CDHR3: variants seen among roughly 807,000 people sequenced by gnomAD.
The protein encoded by CDHR3 is cadherin-related family member 3.
Under a neutral mutation model 86.6 loss-of-function variants are expected in CDHR3, and 79 were observed. The observed-to-expected ratio is 0.91, with a 90% confidence interval of 0.76 to 1.10. The LOEUF is 1.10. Among genes scored for constraint, CDHR3 ranks in the 50% least tolerant of loss-of-function variants. The pLI, the probability that CDHR3 is intolerant of heterozygous loss-of-function variation, is 0.00. For synonymous variants in CDHR3, 421 were observed against 402.4 expected (o/e 1.05, Z -0.55); for missense variants, 1,081 against 1,077.6 (o/e 1.00, Z -0.04).
At chr7:105,963,387 G>A (rs1181913854) in intron 1 of CDHR3, 23 bp downstream of exon 1, 2 of 1,613,080 alleles carry the variant, frequency 1.2e-6, no homozygotes, top group Non-Finnish European at 1.7e-6. Flanking sequence ...TTTTGCTTTG[G>A]AACCTTGCTT....
At chr7:106,008,063 C>T (rs1834205251) in intron 8 of CDHR3, among the ~76,000 whole-genome samples, 1 of 152,144 alleles carries the variant, frequency 6.6e-6, no homozygotes, top group Admixed American at 6.5e-5. Context: ...CCTTATAAAG[C>T]CATCAGATCT....
chr7:105,974,911 G>A lies in CDHR3; in HGVS notation c.114G>A (p.Gly38=), dbSNP rs117170119. 5,534 of 1,613,892 alleles carry A rather than the reference G, an allele frequency of 3.4e-3. 205 individuals carry two copies. In the Admixed American group the frequency reaches 0.063, roughly 18 times the overall value. The change falls in exon 2 of 19, where the codon GGG becomes GGA. Residue 38 remains glycine, a synonymous_variant. Coordinates refer to ENST00000317716, the MANE Select transcript of CDHR3 (RefSeq NM_152750.5). ...ATGTGGCAGAGAATTCTCCACCTGG[G>A]ACTTCAGTGCACAAGTTTTCTGTGA... The part of the protein sequence containing the change: ...TGNVAENSPP[G]TSVHKFSVKL...
At chr7:106,015,256 T>C in intron 10 of CDHR3, 43 bp downstream of exon 10, 1 of 1,501,992 alleles carries the variant, frequency 6.7e-7, no homozygotes, top group Non-Finnish European at 9.1e-7. Context: ...CTTTCTTGAG[T>C]ATCAATGACC....
At chr7:105,978,724 C>T (rs935673116) in intron 2 of CDHR3, among the ~76,000 whole-genome samples, 5 of 152,166 alleles carry the variant, frequency 3.3e-5, no homozygotes, top group African/African-American at 9.7e-5. Context: ...ACAACAACAA[C>T]GAGAACAGTT....
At chr7:105,980,313 T>C (rs942809126) in intron 2 of CDHR3, among the ~76,000 whole-genome samples, 1 of 152,234 alleles carries the variant, frequency 6.6e-6, no homozygotes, top group Admixed American at 6.5e-5. Flanking sequence ...TGTTGCACAA[T>C]GGACCTGCAG....
chr7:105,996,140 CA>C, intron 5 of CDHR3, 109 bp from the exon 6 acceptor site: 1 of 629,364 alleles, frequency 1.6e-6, no homozygotes. Context: ...GGCTCACCAC[CA>C]AAGGGGCAGG....
At position 106,022,597 on chromosome 7, in the gene CDHR3, G is replaced by T. The variant is rs541727385; in HGVS notation, c.2076+149G>T. The T allele has an allele frequency of 2.5e-5, 30 of 1,191,064 alleles. No individual in the cohort carries two copies. In the African/African-American group the frequency reaches 3.2e-4, roughly 13 times the overall value. The allele number at this position is 1,191,064 out of a possible 1,614,324, so 73.8% of individuals were successfully genotyped here. On this transcript the variant is annotated intron_variant, in intron 14 of 18. Transcript: ENST00000317716. ...AAAATGGCAACCATGGGCTGGACTG[G>T]AGTAGCTGCAGGGTGGCAAAAATCT... is the stretch of plus-strand genomic sequence containing the variant.
chr7:106,028,513 C>G, intron 16 of CDHR3, 38 bp from the exon 17 acceptor site: 24 of 1,613,306 alleles, frequency 1.5e-5, no homozygotes, highest in Non-Finnish European at 2.0e-5. Flanking sequence ...AATTTACCAC[C>G]CAAGAAGCTT....
At chr7:106,001,380 C>T in intron 6 of CDHR3, 82 bp from the exon 7 acceptor site, 1 of 1,483,208 alleles carries the variant, frequency 6.7e-7, no homozygotes, top group South Asian at 1.2e-5. Context: ...CTATATTTAG[C>T]ACTAACCAAA....
chr7:106,017,320 G>A (rs1835782757), intron 11 of CDHR3, among the ~76,000 whole-genome samples: 1 of 152,074 alleles, frequency 6.6e-6, no homozygotes, highest in Non-Finnish European at 1.5e-5. Context: ...ACTTTGGGAG[G>A]CCGAGCTGGG....
intron 6 of CDHR3, among the ~76,000 whole-genome samples, chr7:105,999,514 A>G (rs1372847372): frequency 1.3e-5 from 2 of 152,164 alleles, no homozygotes; most frequent in Non-Finnish European, 2.9e-5. Context: ...TCCAGCTTCT[A>G]TCCCCTAAAC....
At chr7:106,005,764 G>A (rs1012161484) in intron 8 of CDHR3, among the ~76,000 whole-genome samples, 8 of 152,176 alleles carry the variant, frequency 5.3e-5, no homozygotes, top group Non-Finnish European at 8.8e-5. Context: ...ATGTCTCCCT[G>A]TTGTCCCAAA....
chr7:106,014,968 G>A lies in CDHR3; in HGVS notation c.1225-143G>A. 12 of 605,222 alleles carry A rather than the reference G, an allele frequency of 2.0e-5. No individual in the cohort carries two copies. The South Asian group carries it at 2.7e-4, about 14-fold the overall frequency. 37.5% of individuals were successfully genotyped at this position (605,222 alleles called of 1,614,324 possible). A position where few individuals can be genotyped will look rare whatever the true frequency, so the allele number is the denominator to read the frequency against. ...AAAGGTATGGTCATAACTTTTTAAAGCTCCTAATTTTTATGGGCAAAGTGT... is the reference window on the plus strand; with the variant it reads ...AAAGGTATGGTCATAACTTTTTAAAACTCCTAATTTTTATGGGCAAAGTGT... On this transcript the variant is annotated intron_variant, in intron 9 of 18. Transcript: ENST00000317716.
At chr7:105,978,405 T>C (rs535700532) in intron 2 of CDHR3, among the ~76,000 whole-genome samples, 1 of 152,350 alleles carries the variant, frequency 6.6e-6, no homozygotes, top group South Asian at 2.1e-4. Context: ...TCCCATCTAC[T>C]GTCGTGAGCA....
rs1361631054 is a variant in CDHR3, at chr7:106,034,878, G to A, written c.*2181G>A. On this transcript the variant is annotated 3_prime_UTR_variant, in exon 19 of 19. Coordinates refer to ENST00000317716, the MANE Select transcript of CDHR3 (RefSeq NM_152750.5). ...GGATCACCTGAGGTCAGGAGTTTGAGACCAGCCTGGCCAACATGGTGAAAC... is the reference window on the plus strand; with the variant it reads ...GGATCACCTGAGGTCAGGAGTTTGAAACCAGCCTGGCCAACATGGTGAAAC... Among the ~76,000 whole-genome samples, 1 of 152,244 alleles carries A rather than the reference G, an allele frequency of 6.6e-6. No homozygotes were observed. The highest frequency in any genetic ancestry group is 6.5e-5 in the Admixed American group (1 of 15,298).
intron 7 of CDHR3, among the ~76,000 whole-genome samples, chr7:106,002,944 G>A (rs1437388496): frequency 6.6e-6 from 1 of 151,766 alleles, no homozygotes; most frequent in Non-Finnish European, 1.5e-5. Context: ...GACCAGCCTG[G>A]GCAACGTAGT....
chr7:105,987,298 G>A (rs947747658), intron 4 of CDHR3, among the ~76,000 whole-genome samples: 1 of 152,172 alleles, frequency 6.6e-6, no homozygotes, highest in Non-Finnish European at 1.5e-5. Flanking sequence ...GGTACTCAGA[G>A]TTGCAGCAGA....
At position 105,997,224 on chromosome 7, in the gene CDHR3, C is replaced by T. The variant is rs148285713; in HGVS notation, c.713+870C>T. ...GACTTGCAAAACTACTCCAAGATTG[C>T]GAGGTATTTAAGGCAACCTCACTCC... On this transcript the variant is annotated intron_variant, in intron 6 of 18. Coordinates refer to ENST00000317716, the MANE Select transcript of CDHR3 (RefSeq NM_152750.5). Among the ~76,000 whole-genome samples the T allele has an allele frequency of 9.1e-4, 138 of 152,254 alleles. 1 individual carries two copies. The highest frequency in any genetic ancestry group is 3.0e-3 in the African/African-American group (123 of 41,546).
At chr7:106,010,874 A>G (rs7357197) in intron 8 of CDHR3, among the ~76,000 whole-genome samples, 41,753 of 152,164 alleles carry the variant, frequency 0.27, 6,402 homozygotes, top group African/African-American at 0.4. Context: ...AGTTGGACAT[A>G]TTCTAGGCTG....
Sources: gnomAD v4.1 joint callset for allele counts (sites outside exome capture counted in the v4.1 genomes callset) on GRCh38, gnomAD v4.1.1 for gene constraint, MANE v1.5 for transcripts, NCBI Gene and HGNC (gene_info 2026-07-23, HGNC 2026-07-21) for gene names.